GLYATL2: variants seen among roughly 807,000 people sequenced by gnomAD.
The protein encoded by GLYATL2 is glycine-N-acyltransferase like 2.
In GLYATL2, 25 loss-of-function variants were observed where a neutral mutation model predicts 21.4. The observed-to-expected ratio is 1.17, with a 90% CI of 0.85 to 1.63. The LOEUF (loss-of-function observed/expected upper bound fraction) is 1.63, where lower values mean the gene tolerates loss of function less well. Ranked by LOEUF, GLYATL2 falls within the 40% of genes most tolerant of loss-of-function variation. GLYATL2 has a pLI of 0.00. For synonymous variants in GLYATL2, 114 were observed against 118.2 expected (o/e 0.96, Z 0.23); for missense variants, 361 against 343.3 (o/e 1.05, Z -0.41).
At chr11:58,880,640 A>C (rs1854316416) in intron 1 of GLYATL2, among the ~76,000 whole-genome samples, 1 of 152,102 alleles carries the variant, frequency 6.6e-6, no homozygotes, top group African/African-American at 2.4e-5. Context: ...GGAGGTGGGA[A>C]AAAAAAAGAC....
intron 1 of GLYATL2, among the ~76,000 whole-genome samples, chr11:58,899,886 T>C (rs1389338461): frequency 6.6e-6 from 1 of 152,126 alleles, no homozygotes; most frequent in Non-Finnish European, 1.5e-5. Flanking sequence ...TATGTAAAAT[T>C]AAAGCTCAGA....
rs1321177421 is a variant in GLYATL2 at position 58,837,177 on chromosome 11, C to T, written c.314G>A (p.Gly105Asp). Reference protein sequence around the residue: ...ISWEQTLQIQGCQEGLDEAIR... With the variant: ...ISWEQTLQIQDCQEGLDEAIR... ...TGCTTCATCCAAGCCCTCTTGGCAACCTGGAGAAAGGAGAAAGACAAGTAC... is the reference window on the plus strand; with the variant it reads ...TGCTTCATCCAAGCCCTCTTGGCAATCTGGAGAAAGGAGAAAGACAAGTAC... Residue 105 changes from glycine to aspartate, a missense_variant and splice_region_variant, in exon 5 of 6, where the codon GGT (glycine) becomes GAT (aspartate). Physicochemically the swap from Gly to Asp is moderately conservative, Grantham distance 94 (BLOSUM62 -1). Transcript: ENST00000287275. 3 of 1,613,428 alleles carry T rather than the reference C, an allele frequency of 1.9e-6. No individual in the cohort carries two copies. The highest frequency in any genetic ancestry group is 2.2e-5 in the South Asian group (2 of 90,890).
intron 1 of GLYATL2, among the ~76,000 whole-genome samples, chr11:58,875,217 C>T (rs1316589713): frequency 6.6e-6 from 1 of 152,170 alleles, no homozygotes; most frequent in African/African-American, 2.4e-5. Flanking sequence ...GAATACAGCA[C>T]ACTGATGGGT....
At chr11:58,868,073 G>A (rs950172610) in intron 1 of GLYATL2, among the ~76,000 whole-genome samples, 1 of 148,734 alleles carries the variant, frequency 6.7e-6, no homozygotes, top group Non-Finnish European at 1.5e-5. Flanking sequence ...AGATGGGAGA[G>A]GAGCCTACAG....
intron 1 of GLYATL2, among the ~76,000 whole-genome samples, chr11:58,873,001 A>G (rs1028186714): frequency 2.6e-5 from 4 of 152,098 alleles, no homozygotes; most frequent in Non-Finnish European, 4.4e-5. Flanking sequence ...GGTCCTTCAC[A>G]TCCCTTGTAA....
chr11:58,880,032 G>T (rs970877033), intron 1 of GLYATL2, among the ~76,000 whole-genome samples: 1 of 151,818 alleles, frequency 6.6e-6, no homozygotes, highest in Non-Finnish European at 1.5e-5. Context: ...CTAATTTTTT[G>T]TATTTTTAGT....
chr11:58,864,350 G>T (rs1419066591), intron 1 of GLYATL2, among the ~76,000 whole-genome samples: 1 of 46,466 alleles, frequency 2.2e-5, no homozygotes, highest in African/African-American at 4.2e-5. Context: ...TATGGCACTG[G>T]GGTAGATCTG....
chr11:58,841,454 A>G (rs1233074336), intron 1 of GLYATL2, among the ~76,000 whole-genome samples: 1 of 152,180 alleles, frequency 6.6e-6, no homozygotes, highest in Non-Finnish European at 1.5e-5. Flanking sequence ...TTGCCAGAAA[A>G]GGTATGTGAA....
intron 1 of GLYATL2, among the ~76,000 whole-genome samples, chr11:58,885,179 T>G (rs983207796): frequency 1.3e-5 from 2 of 152,208 alleles, no homozygotes; most frequent in African/African-American, 4.8e-5. Context: ...ACAATGTAAG[T>G]GCTAAGAGCA....
chr11:58,836,786 C>T (rs934221765), intron 5 of GLYATL2, among the ~76,000 whole-genome samples: 3 of 152,146 alleles, frequency 2.0e-5, no homozygotes, highest in African/African-American at 7.2e-5. Context: ...CCATTACCCT[C>T]TCAGAAGGAC....
At chr11:58,909,559 T>C in the GLYATL2 span, among the ~76,000 whole-genome samples, 2 of 152,172 alleles carry the variant, frequency 1.3e-5, no homozygotes, top group African/African-American at 4.8e-5. Context: ...ATTTATTCTT[T>C]TAAAAGAATG....
At chr11:58,855,357 G>T (rs987788328) in intron 1 of GLYATL2, among the ~76,000 whole-genome samples, 4 of 152,072 alleles carry the variant, frequency 2.6e-5, no homozygotes, top group African/African-American at 9.7e-5. Flanking sequence ...GAATGAATAG[G>T]TGCTTTTTCA....
chr11:58,888,824 A>T (rs560871223), intron 1 of GLYATL2, among the ~76,000 whole-genome samples: 16 of 152,040 alleles, frequency 1.1e-4, no homozygotes, highest in African/African-American at 3.6e-4. Context: ...ATAATGTACA[A>T]CCTAAGAAAG....
Position 58,879,554 on chromosome 11 carries a change from A to G in GLYATL2, n.60+24602T>C, listed in dbSNP as rs146640445. ...GAATGAAATTCTGACACGTAATACA[A>G]CATATGTGAAATAACCCAGACCCAA... On this transcript the variant is annotated intron_variant and non_coding_transcript_variant, in intron 1 of 4. Transcript: ENST00000533636. Among the ~76,000 whole-genome samples the G allele has an allele frequency of 3.1e-3, 467 of 152,332 alleles. 1 individual carries two copies. The highest frequency in any genetic ancestry group is 6.4e-3 in the South Asian group (31 of 4,830).
chr11:58,835,670 G>T (rs1853416956), intron 5 of GLYATL2, among the ~76,000 whole-genome samples: 1 of 152,188 alleles, frequency 6.6e-6, no homozygotes, highest in Admixed American at 6.5e-5. Context: ...CTTTGTTTTT[G>T]CTCACTTCAC....
At chr11:58,856,762 A>G (rs1174149145) in intron 1 of GLYATL2, among the ~76,000 whole-genome samples, 2 of 152,206 alleles carry the variant, frequency 1.3e-5, no homozygotes, top group Non-Finnish European at 2.9e-5. Flanking sequence ...GTGCTCCAGA[A>G]CAGCTAAAAT....
chr11:58,863,878 C>T (rs1018006983), intron 1 of GLYATL2, among the ~76,000 whole-genome samples: 5 of 152,176 alleles, frequency 3.3e-5, no homozygotes, highest in Non-Finnish European at 7.4e-5. Context: ...TGAGCCTGAA[C>T]CCTGGGTCTG....
At chr11:58,879,871 T>C (rs954526204) in intron 1 of GLYATL2, among the ~76,000 whole-genome samples, 12 of 109,526 alleles carry the variant, frequency 1.1e-4, no homozygotes, top group South Asian at 5.5e-4. Flanking sequence ...TTTTTTTTTT[T>C]CTTTGGAGAC....
intron 1 of GLYATL2, among the ~76,000 whole-genome samples, chr11:58,874,167 T>C (rs1459060406): frequency 1.3e-5 from 2 of 152,216 alleles, no homozygotes; most frequent in African/African-American, 4.8e-5. Flanking sequence ...TGCATCTATT[T>C]GATTCTCCTC....
Sources: gnomAD v4.1 joint callset for allele counts (sites outside exome capture counted in the v4.1 genomes callset) on GRCh38, gnomAD v4.1.1 for gene constraint, MANE v1.5 for transcripts, NCBI Gene and HGNC (gene_info 2026-07-23, HGNC 2026-07-21) for gene names.